The following SMARCA2 variants were observed in gnomAD, a reference collection of about 807,000 sequenced individuals.
The protein encoded by SMARCA2 is SWI/SNF related BAF chromatin remodeling complex subunit ATPase 2, also known as SWI/SNF-related matrix-associated actin-dependent regulator of chromatin subfamily A member 2.
In SMARCA2, 61 loss-of-function variants were observed where a neutral mutation model predicts 199.8. The ratio of observed to expected loss-of-function variants is 0.31; its 90% CI spans 0.25 to 0.38. The LOEUF is 0.38. Ranked by LOEUF, SMARCA2 falls within the 10% of genes least tolerant of loss-of-function variation. The probability of loss-of-function intolerance (pLI) is 1.00; values close to 1 mark genes in which losing one functional copy is unlikely to be tolerated. For missense variants in SMARCA2, 1,344 were observed against 2,012.2 expected, an observed-to-expected ratio of 0.67 and a Z score of 6.35; for synonymous variants, 935 against 732.0, an observed-to-expected ratio of 1.28 and a Z score of -4.48.
intron 27 of SMARCA2, among the ~76,000 whole-genome samples, chr9:2,134,752 A>G (rs1190450578): frequency 2.6e-5 from 4 of 152,232 alleles, no homozygotes; most frequent in South Asian, 2.1e-4. Context: ...TTGGAAGGTT[A>G]TTATATCATG....
At chr9:2,079,002 C>G (rs1019791725) in intron 14 of SMARCA2, among the ~76,000 whole-genome samples, 2 of 151,852 alleles carry the variant, frequency 1.3e-5, no homozygotes, top group African/African-American at 2.4e-5. Flanking sequence ...AGGTTTGTGG[C>G]CAAATACTGT....
chr9:2,061,867 G>C (rs1820607801), intron 9 of SMARCA2, among the ~76,000 whole-genome samples: 2 of 152,184 alleles, frequency 1.3e-5, no homozygotes, highest in African/African-American at 4.8e-5. Context: ...CATAATTAAG[G>C]AGGAGGAATA....
chr9:2,036,623 A>T (rs1819348253), intron 3 of SMARCA2, among the ~76,000 whole-genome samples: 1 of 152,218 alleles, frequency 6.6e-6, no homozygotes, highest in Non-Finnish European at 1.5e-5. Flanking sequence ...CACATCCCCT[A>T]CAAATTCTGG....
In SMARCA2 at chr9:2,084,370, C is replaced by CTGTG. The variant is rs3057851; in HGVS notation, c.2526+218_2526+221dup. ...GGTCGTGGATTTGATTTCATGCATG[C>CTGTG]TGTGTGTGTGTGTGTGTGTGTGTGT... On this transcript the variant is annotated intron_variant, in intron 17 of 33. Coordinates refer to ENST00000349721, the MANE Select transcript of SMARCA2 (RefSeq NM_003070.5). 0.026 allele frequency among the ~76,000 whole-genome samples: 3,456 copies of CTGTG among 132,366 alleles called. 70 individuals carry two copies. Among genetic ancestry groups the CTGTG allele is most frequent in the African/African-American group, 0.046 (1,568 of 34,388 alleles). The allele number at this position is 132,366 out of a possible 152,430, so 86.8% of individuals were successfully genotyped here.
chr9:2,183,660 G>A (rs553483062), intron 31 of SMARCA2, among the ~76,000 whole-genome samples: 3 of 152,294 alleles, frequency 2.0e-5, no homozygotes, highest in South Asian at 4.1e-4. Context: ...TCTTCAGAAT[G>A]TGCCTTGAAC....
chr9:2,073,489 A>G, intron 11 of SMARCA2, 77 bp from the exon 12 acceptor site: 1 of 1,453,118 alleles, frequency 6.9e-7, no homozygotes, highest in African/African-American at 1.4e-5. Context: ...AGAATGTGCT[A>G]TTAAGTCATG....
At chr9:2,167,978 C>A (rs1371245012) in intron 28 of SMARCA2, among the ~76,000 whole-genome samples, 2 of 151,218 alleles carry the variant, frequency 1.3e-5, no homozygotes, top group Non-Finnish European at 1.5e-5. Flanking sequence ...TACTTATAAT[C>A]AATTCAGGAC....
intron 14 of SMARCA2, among the ~76,000 whole-genome samples, chr9:2,078,750 CT>C (rs1337084367): frequency 1.3e-5 from 2 of 151,974 alleles, no homozygotes; most frequent in Admixed American, 6.6e-5. Context: ...TGAGACCATC[CT>C]TGCTAACACA....
At chr9:2,028,190 G>A (rs529338535) in intron 1 of SMARCA2, among the ~76,000 whole-genome samples, 6 of 152,344 alleles carry the variant, frequency 3.9e-5, no homozygotes, top group African/African-American at 1.4e-4. Context: ...GGTTTTAACT[G>A]TCTGAGGGGG....
intron 27 of SMARCA2, among the ~76,000 whole-genome samples, chr9:2,145,821 A>C (rs1406583581): frequency 1.3e-5 from 2 of 152,126 alleles, no homozygotes; most frequent in Non-Finnish European, 2.9e-5. Context: ...CGAAGGCATT[A>C]TCTTTGTAAG....
chr9:2,183,067 A>G (rs1408367021), intron 31 of SMARCA2, among the ~76,000 whole-genome samples: 1 of 152,226 alleles, frequency 6.6e-6, no homozygotes. Context: ...CTGGGATTAC[A>G]GGTGTGCACC....
At chr9:2,097,130 C>A in intron 20 of SMARCA2, 1 of 491,034 alleles carries the variant, frequency 2.0e-6, no homozygotes, top group Non-Finnish European at 3.6e-6. Context: ...ACAGTCATGT[C>A]GCAAAGCCAT....
At chr9:2,175,843 C>T (rs915683927) in intron 29 of SMARCA2, among the ~76,000 whole-genome samples, 1 of 151,992 alleles carries the variant, frequency 6.6e-6, no homozygotes, top group African/African-American at 2.4e-5. Context: ...TACTGCACTA[C>T]AATTTGATAT....
chr9:2,146,909 G>T (rs1037926879), intron 27 of SMARCA2, among the ~76,000 whole-genome samples: 1 of 152,122 alleles, frequency 6.6e-6, no homozygotes, highest in African/African-American at 2.4e-5. Context: ...TATCAGCAAG[G>T]TCTTTATGAC....
At chr9:2,185,391 A>G (rs1020169456) in intron 31 of SMARCA2, among the ~76,000 whole-genome samples, 5 of 152,198 alleles carry the variant, frequency 3.3e-5, no homozygotes, top group African/African-American at 9.7e-5. Flanking sequence ...TGTATAGACT[A>G]TAGTTGCTTA....
chr9:2,075,455 T>G (rs1265987938), intron 12 of SMARCA2: 2 of 152,250 alleles, frequency 1.3e-5, no homozygotes, highest in Non-Finnish European at 2.9e-5. Flanking sequence ...GTCAGCTGGA[T>G]GTAGCACTCG....
intron 24 of SMARCA2, among the ~76,000 whole-genome samples, chr9:2,111,690 T>C (rs1355817566): frequency 1.3e-5 from 2 of 152,198 alleles, no homozygotes; most frequent in African/African-American, 2.4e-5. Context: ...CAGGGGTACA[T>C]TAAAATTCTA....
At chr9:2,019,125 C>A (rs561354385) in intron 1 of SMARCA2, among the ~76,000 whole-genome samples, 81 of 150,256 alleles carry the variant, frequency 5.4e-4, no homozygotes, top group African/African-American at 1.8e-3. Flanking sequence ...ATACTTATTG[C>A]GGTAGACTGA....
chr9:2,082,089 G>T, intron 15 of SMARCA2, 94 bp downstream of exon 15: 1 of 1,075,130 alleles, frequency 9.3e-7, no homozygotes, highest in Non-Finnish European at 1.4e-6. Context: ...AGACAGAATT[G>T]TAGCATGTAC....
Sources: allele counts gnomAD v4.1 joint callset (sites outside exome capture counted in the v4.1 genomes callset), GRCh38; gene constraint gnomAD v4.1.1; transcripts MANE v1.5; gene names NCBI Gene and HGNC (gene_info 2026-07-23, HGNC 2026-07-21).